IQCK: variants seen among roughly 807,000 people sequenced by gnomAD.
IQCK encodes IQ domain-containing protein K.
Under a neutral mutation model 28.1 loss-of-function variants are expected in IQCK, and 29 were observed. The ratio of observed to expected loss-of-function variants is 1.03; its 90% CI spans 0.77 to 1.41. The LOEUF is 1.41. IQCK is among the 40% of genes most tolerant of loss of function. The pLI is 0.00. For synonymous variants in IQCK, 113 were observed against 115.1 expected, an observed-to-expected ratio of 0.98 and a Z score of 0.12; for missense variants, 359 against 314.7, an observed-to-expected ratio of 1.14 and a Z score of -1.07.
At chr16:19,823,069 GA>G (rs1282395194) in intron 7 of IQCK, among the ~76,000 whole-genome samples, 1 of 152,124 alleles carries the variant, frequency 6.6e-6, no homozygotes, top group Non-Finnish European at 1.5e-5. Flanking sequence ...ACCCTTTGGG[GA>G]CTGTGTTTGT....
At chr16:19,761,878 A>C (rs1213343073) in intron 4 of IQCK, 1 of 157,660 alleles carries the variant, frequency 6.3e-6, no homozygotes, top group Non-Finnish European at 1.4e-5. Flanking sequence ...GGGCAGGCCC[A>C]GGCTGGTGCC....
intron 7 of IQCK, among the ~76,000 whole-genome samples, chr16:19,816,274 AC>A (rs2055987877): frequency 6.6e-6 from 1 of 151,890 alleles, no homozygotes; most frequent in Admixed American, 6.6e-5. Flanking sequence ...TGCAACCACC[AC>A]CTCACAGCAA....
At chr16:19,756,854 G>A (rs1463921781) in intron 4 of IQCK, among the ~76,000 whole-genome samples, 4 of 145,620 alleles carry the variant, frequency 2.7e-5, no homozygotes, top group South Asian at 2.2e-4. Flanking sequence ...CTGAGATCGC[G>A]CCACTGCACT....
chr16:19,755,323 A>G (rs750566484), intron 4 of IQCK, among the ~76,000 whole-genome samples: 9 of 152,142 alleles, frequency 5.9e-5, no homozygotes, highest in Admixed American at 1.3e-4. Context: ...TTGGGCAGCC[A>G]CTCTTAGATG....
chr16:19,735,466 G>A lies in IQCK; in HGVS notation c.474+16G>A. 6.4e-7 allele frequency: 1 copy of A among 1,552,416 alleles called. No homozygotes were observed. The highest frequency in any genetic ancestry group is 8.9e-7 in the Non-Finnish European group (1 of 1,123,848). ...ATGTTTTGAGGTCAGTTGTTTGGCA[G>A]GATTTCTTTATTTTGAGATTCTCAA... On this transcript the variant is annotated intron_variant, in intron 4 of 7. Coordinates refer to ENST00000564186, the Ensembl canonical transcript of IQCK.
rs190701111 is a variant in IQCK at position 19,823,253 on chromosome 16, G to A, written c.691-3773G>A. 3.5e-3 allele frequency among the ~76,000 whole-genome samples: 535 copies of A among 152,210 alleles called. 6 individuals are homozygous for A. The highest frequency in any genetic ancestry group is 0.011 in the African/African-American group (452 of 41,526). On this transcript the variant is annotated intron_variant, in intron 7 of 7. Transcript: ENST00000564186. ...GCAAGAAATTGAGCTTTGGCTTGGT[G>A]GCATCCCCATGGTCAGCAGAGTTGG...
chr16:19,819,352 T>C (rs1415543733), intron 7 of IQCK, among the ~76,000 whole-genome samples: 1 of 151,930 alleles, frequency 6.6e-6, no homozygotes, highest in Middle Eastern at 3.4e-3. Flanking sequence ...AATTAGCCGG[T>C]CATGGTGGCG....
chr16:19,847,304 C>T (rs1013276776), intron 9 of IQCK, among the ~76,000 whole-genome samples: 2 of 152,002 alleles, frequency 1.3e-5, no homozygotes, highest in Non-Finnish European at 2.9e-5. Flanking sequence ...TGTGTCTGTT[C>T]TCTTCCTCCC....
Position 19,735,458 on chromosome 16 carries a change from GT to G in IQCK, c.474+11del, listed in dbSNP as rs539783388. 870 of 1,582,524 alleles carry G rather than the reference GT, an allele frequency of 5.5e-4. 2 individuals are homozygous for G. Among genetic ancestry groups the G allele is most frequent in the South Asian group, 1.1e-3 (95 of 90,410 alleles). ...AAAGAAAAATGTTTTGAGGTCAGTT[GT>G]TTGGCAGGATTTCTTTATTTTGAGA... On this transcript the variant is annotated intron_variant, in intron 4 of 7. Transcript: ENST00000564186.
intron 1 of IQCK, among the ~76,000 whole-genome samples, chr16:19,730,076 C>T (rs1336606073): frequency 6.6e-6 from 1 of 151,774 alleles, no homozygotes; most frequent in African/African-American, 2.4e-5. Context: ...CTGCCTCAGC[C>T]TCCCAAGTAG....
intron 7 of IQCK, among the ~76,000 whole-genome samples, chr16:19,812,224 T>G (rs1050134682): frequency 6.6e-6 from 1 of 152,166 alleles, no homozygotes; most frequent in African/African-American, 2.4e-5. Context: ...TGACCTCAAG[T>G]GATCCGCCCA....
intron 7 of IQCK, among the ~76,000 whole-genome samples, chr16:19,799,640 A>AC (rs1555519987): frequency 5.4e-5 from 6 of 111,808 alleles, no homozygotes; most frequent in African/African-American, 2.3e-4. Flanking sequence ...ACACACACAC[A>AC]CCCAGTGAAT....
rs570801603 is a variant in IQCK at position 19,731,255 on chromosome 16, C to T, written c.246+761C>T. On this transcript the variant is annotated intron_variant, in intron 2 of 7. Transcript: ENST00000564186. The stretch of plus-strand genomic sequence containing the variant: ...CAGGGCAGCCAGGAAGAGAGGCCCT[C>T]GTGAAGTCTACCTTGGAATTAGATA... Among the ~76,000 whole-genome samples, 33 of 152,218 alleles carry T rather than the reference C, an allele frequency of 2.2e-4. 1 individual carries two copies. The highest frequency in any genetic ancestry group is 3.4e-3 in the Middle Eastern group (1 of 294).
chr16:19,784,599 G>A (rs1447367336), intron 6 of IQCK, among the ~76,000 whole-genome samples: 2 of 152,170 alleles, frequency 1.3e-5, no homozygotes, highest in Admixed American at 1.3e-4. Context: ...ACCAAGAGGA[G>A]CAAACACAGG....
intron 7 of IQCK, among the ~76,000 whole-genome samples, chr16:19,812,081 G>C (rs1310056286): frequency 6.6e-6 from 1 of 150,634 alleles, no homozygotes; most frequent in Non-Finnish European, 1.5e-5. Flanking sequence ...TCTGCCTCCC[G>C]GGTTCAAGCA....
At chr16:19,740,358 T>A (rs571177055) in intron 4 of IQCK, among the ~76,000 whole-genome samples, 63 of 152,294 alleles carry the variant, frequency 4.1e-4, no homozygotes, top group African/African-American at 1.4e-3. Flanking sequence ...TTGGTAGGTA[T>A]CCCGTGGTGT....
intron 1 of IQCK, among the ~76,000 whole-genome samples, chr16:19,721,050 C>A (rs1446960787): frequency 6.6e-6 from 1 of 151,392 alleles, no homozygotes; most frequent in African/African-American, 2.4e-5. Flanking sequence ...TCAACATTGG[C>A]AAACTATACA....
At chr16:19,721,779 T>C (rs1234644486) in intron 1 of IQCK, among the ~76,000 whole-genome samples, 2 of 152,090 alleles carry the variant, frequency 1.3e-5, no homozygotes, top group East Asian at 1.9e-4. Context: ...GGTTTTGCCA[T>C]GTTGGCCAAG....
chr16:19,733,833 TAA>T lies in IQCK; in HGVS notation c.376+7_376+8del, dbSNP rs1261747700. 1.2e-6 allele frequency: 2 copies of T among 1,613,724 alleles called. No homozygotes were observed. Among genetic ancestry groups the T allele is most frequent in the Non-Finnish European group, 1.7e-6 (2 of 1,179,830 alleles). ...AACAATCAACCCAAAAACATGTGAGTAAGAGAGATGCCATCTTTTATAATTTG... is the reference window on the plus strand; with the variant it reads ...AACAATCAACCCAAAAACATGTGAGTGAGAGATGCCATCTTTTATAATTTG... On this transcript the variant is annotated splice_region_variant and intron_variant, in intron 3 of 7. Transcript: ENST00000564186.
Sources: allele counts gnomAD v4.1 joint callset (sites outside exome capture counted in the v4.1 genomes callset), GRCh38; gene constraint gnomAD v4.1.1; transcripts MANE v1.5; gene names NCBI Gene and HGNC (gene_info 2026-07-23, HGNC 2026-07-21).